The following ZNF564 variants were observed in gnomAD, a reference collection of about 807,000 sequenced individuals.
ZNF564 encodes the protein zinc finger protein 564.
A neutral mutation model predicts 10.5 loss-of-function variants in ZNF564; 5 were observed. That is an observed-to-expected ratio of 0.48 (90% CI 0.25 to 1.00). The LOEUF is 1.00. Among genes scored for constraint, ZNF564 ranks in the 50% least tolerant of loss-of-function variants. The pLI is 0.16. For synonymous variants in ZNF564, 242 were observed against 218.1 expected, an observed-to-expected ratio of 1.11 and a Z score of -0.97; for missense variants, 603 against 669.7, an observed-to-expected ratio of 0.90 and a Z score of 1.10.
Position 12,527,313 on chromosome 19 carries a change from G to A in ZNF564, c.795C>T (p.Pro265=), listed in dbSNP as rs560877014. The change falls in exon 4 of 4, where the codon CCC becomes CCT. Residue 265 remains proline, a synonymous_variant. Coordinates refer to ENST00000339282, the MANE Select transcript of ZNF564 (RefSeq NM_144976.4). The part of the protein sequence containing the change: ...CQECGKAFDR[P]SLFRIHERTH... ...TTCTTTCATGTATTCGAAATAAACT[G>A]GGGCGGTCAAAGGCTTTTCCACATT... is the stretch of plus-strand genomic sequence containing the variant. 201 of 1,613,174 alleles carry A rather than the reference G, an allele frequency of 1.2e-4. No individual in the cohort carries two copies. Among genetic ancestry groups the A allele is most frequent in the Non-Finnish European group, 1.7e-4 (195 of 1,179,766 alleles).
chr19:12,534,006 T>C (rs10422780), intron 1 of ZNF564, among the ~76,000 whole-genome samples: 1,875 of 151,876 alleles, frequency 0.012, 28 homozygotes, highest in African/African-American at 0.043. Flanking sequence ...TAAAGAACAT[T>C]TGACAAAATC....
At chr19:12,534,659 C>T (rs1402334661) in intron 1 of ZNF564, among the ~76,000 whole-genome samples, 3 of 151,932 alleles carry the variant, frequency 2.0e-5, no homozygotes, top group Non-Finnish European at 4.4e-5. Flanking sequence ...ACTAAAAATA[C>T]AAAAATTAGC....
chr19:12,541,211 T>C (rs7250345), intron 1 of ZNF564, among the ~76,000 whole-genome samples: 91,922 of 151,402 alleles, frequency 0.61, 28,995 homozygotes, highest in African/African-American at 0.7. Flanking sequence ...TTGACTGCAC[T>C]ACTGCACTCC....
At chr19:12,548,944 T>C (rs965122829) in intron 1 of ZNF564, 6 of 694,102 alleles carry the variant, frequency 8.6e-6, no homozygotes, top group East Asian at 2.7e-5. Context: ...GTAGCCATAA[T>C]GGAAGACTGA....
intron 1 of ZNF564, among the ~76,000 whole-genome samples, chr19:12,546,380 G>A (rs1331645489): frequency 6.6e-6 from 1 of 152,128 alleles, no homozygotes; most frequent in Non-Finnish European, 1.5e-5. Context: ...GCAGCATACT[G>A]CGGGGGAAAA....
rs549482952 is a variant in ZNF564 at position 12,544,335 on chromosome 19, C to T, written c.3+6995G>A. Reference sequence around the variant, plus strand: ...GTTAAACCCCAGCAGCAGTGATAACCCATCTTCTGCCATCATCTCCACATA... The same window carrying T: ...GTTAAACCCCAGCAGCAGTGATAACTCATCTTCTGCCATCATCTCCACATA... On this transcript the variant is annotated intron_variant, in intron 1 of 3. Transcript: ENST00000339282. Among the ~76,000 whole-genome samples the T allele has an allele frequency of 1.4e-3, 209 of 152,288 alleles. 1 individual carries two copies. Among genetic ancestry groups the T allele is most frequent in the Non-Finnish European group, 2.6e-3 (176 of 68,036 alleles).
intron 1 of ZNF564, among the ~76,000 whole-genome samples, chr19:12,542,536 G>A (rs1041492039): frequency 3.3e-5 from 5 of 150,036 alleles, no homozygotes; most frequent in African/African-American, 7.4e-5. Context: ...CAGGAGGATC[G>A]CTTGAACCCA....
intron 1 of ZNF564, among the ~76,000 whole-genome samples, chr19:12,541,049 G>A (rs1323777658): frequency 3.3e-5 from 3 of 91,998 alleles, no homozygotes; most frequent in Non-Finnish European, 6.8e-5. Context: ...CAGGAATGTG[G>A]CAAAACCCTG....
chr19:12,548,922 A>AT (rs771907927), intron 1 of ZNF564: 8 of 700,756 alleles, frequency 1.1e-5, no homozygotes, highest in Non-Finnish European at 2.1e-5. Context: ...GTGGAAATGT[A>AT]TTCGTTTCTC....
chr19:12,548,436 C>G (rs1356134194), intron 1 of ZNF564, among the ~76,000 whole-genome samples: 1 of 151,936 alleles, frequency 6.6e-6, no homozygotes, highest in Non-Finnish European at 1.5e-5. Flanking sequence ...AGGATGGTTT[C>G]CATCTCCTGA....
Position 12,528,733 on chromosome 19 carries a change from T to G in ZNF564, c.4-37A>C, listed in dbSNP as rs2021741205. On this transcript the variant is annotated intron_variant, in intron 1 of 3. Transcript: ENST00000339282. ...CAAATATGCAATGCAGGAGGAAGAA[T>G]GAGATGACAGTACAGGGATGTAAAC... The G allele has an allele frequency of 6.3e-6, 10 of 1,593,310 alleles. 1 individual carries two copies. The highest frequency in any genetic ancestry group is 8.5e-6 in the Non-Finnish European group (10 of 1,172,744).
intron 1 of ZNF564, among the ~76,000 whole-genome samples, chr19:12,534,158 GTCT>G (rs1362298029): frequency 6.6e-6 from 1 of 152,090 alleles, no homozygotes; most frequent in Non-Finnish European, 1.5e-5. Flanking sequence ...GGGTAAGAAT[GTCT>G]TCTCTCACCA....
intron 1 of ZNF564, among the ~76,000 whole-genome samples, chr19:12,531,373 C>T (rs1479555789): frequency 2.6e-5 from 4 of 151,858 alleles, no homozygotes; most frequent in Non-Finnish European, 5.9e-5. Flanking sequence ...TTGAGTCTGA[C>T]CTGGGAAACA....
rs138678523 is a variant in ZNF564, at chr19:12,543,842, G to A, written c.3+7488C>T. Among the ~76,000 whole-genome samples, 39 of 152,266 alleles carry A rather than the reference G, an allele frequency of 2.6e-4. No individual in the cohort carries two copies. The South Asian group carries it at 3.9e-3, about 15-fold the overall frequency. On this transcript the variant is annotated intron_variant, in intron 1 of 3. Transcript: ENST00000339282. The stretch of plus-strand genomic sequence containing the variant: ...CCTAATGTCGTTGCATTAGGAGGTG[G>A]CATCTTTGGGAGGTAATCGGGGTTA...
chr19:12,548,421 T>A (rs1371517302), intron 1 of ZNF564, among the ~76,000 whole-genome samples: 4 of 152,090 alleles, frequency 2.6e-5, no homozygotes, highest in Non-Finnish European at 5.9e-5. Context: ...TTCACTGTGT[T>A]AGCCAGGATG....
At position 12,526,948 on chromosome 19, in the gene ZNF564, T is replaced by C. The variant is rs545616046; in HGVS notation, c.1160A>G (p.His387Arg). The C allele has an allele frequency of 6.2e-7, 1 of 1,614,176 alleles. No homozygotes were observed. The highest frequency in any genetic ancestry group is 2.2e-5 in the East Asian group (1 of 44,868). ...LPSVRRHMIK[H>R]TGDGPYKCQV... ...ACATTTATAAGGTCCATCTCCAGTG[T>C]GCTTTATCATGTGTCTTCGGACACT... Residue 387 changes from histidine (H) to arginine (R), a missense_variant, in exon 4 of 4, where the codon CAC becomes CGC. His to Arg is a conservative substitution (Grantham distance 29, BLOSUM62 0). Transcript: ENST00000339282.
chr19:12,533,405 G>A (rs2145072267), intron 1 of ZNF564, among the ~76,000 whole-genome samples: 1 of 152,324 alleles, frequency 6.6e-6, no homozygotes, highest in Middle Eastern at 3.4e-3. Context: ...CACCAGGAAA[G>A]AACAAGGGTT....
rs2021703518 is a variant in ZNF564, at chr19:12,527,210, T to C, written c.898A>G (p.Met300Val). Residue 300 changes from methionine (M) to valine (V), a missense_variant, in exon 4 of 4, where the codon ATG becomes GTG. Met to Val is a conservative substitution (Grantham distance 21). Coordinates refer to ENST00000339282, the MANE Select transcript of ZNF564 (RefSeq NM_144976.4). ...FISFTNFQSH[M>V]IRHTGDGPYK... is the part of the protein sequence containing the mutation. ...GGTCCATCCCCAGTGTGCCTAATCA[T>C]ATGACTTTGAAAATTTGTGAAAGAA... The C allele has an allele frequency of 6.2e-7, 1 of 1,614,048 alleles. No individual in the cohort carries two copies. The highest frequency in any genetic ancestry group is 2.2e-5 in the East Asian group (1 of 44,878).
chr19:12,529,432 CG>C (rs1340242462), intron 1 of ZNF564, among the ~76,000 whole-genome samples: 2 of 151,506 alleles, frequency 1.3e-5, no homozygotes, highest in Admixed American at 6.6e-5. Flanking sequence ...AGTGAAACCC[CG>C]TCTCTACCAA....
Sources: allele counts gnomAD v4.1 joint callset (sites outside exome capture counted in the v4.1 genomes callset), GRCh38; gene constraint gnomAD v4.1.1; transcripts MANE v1.5; gene names NCBI Gene and HGNC (gene_info 2026-07-23, HGNC 2026-07-21).